The following SPATA16 variants were observed in gnomAD, a reference collection of about 807,000 sequenced individuals.
The protein encoded by SPATA16 is spermatogenesis associated 16.
SPATA16 carries 36 observed loss-of-function variants against 63.3 expected under a neutral mutation model. The observed-to-expected ratio is 0.57, with a 90% CI of 0.44 to 0.75. SPATA16 has a LOEUF of 0.75. Ranked by LOEUF, SPATA16 falls within the 30% of genes least tolerant of loss-of-function variation. The pLI, the probability that SPATA16 is intolerant of heterozygous loss-of-function variation, is 0.00. For missense variants in SPATA16, 646 were observed against 679.3 expected (o/e 0.95, Z 0.54); for synonymous variants, 203 against 216.7 (o/e 0.94, Z 0.56).
intron 5 of SPATA16, among the ~76,000 whole-genome samples, chr3:172,961,787 G>A (rs1310365803): frequency 6.6e-6 from 1 of 152,042 alleles, no homozygotes; most frequent in African/African-American, 2.4e-5. Flanking sequence ...TGAAAATTAT[G>A]ACTTTACCTC....
intron 2 of SPATA16, among the ~76,000 whole-genome samples, chr3:173,099,441 T>A (rs914852750): frequency 2.0e-5 from 3 of 152,292 alleles, no homozygotes; most frequent in African/African-American, 7.2e-5. Flanking sequence ...TATATAGAAT[T>A]TGGTACTATC....
At chr3:173,092,403 G>T (rs968200486) in intron 2 of SPATA16, among the ~76,000 whole-genome samples, 1 of 152,152 alleles carries the variant, frequency 6.6e-6, no homozygotes, top group Admixed American at 6.6e-5. Flanking sequence ...CTGTGGCTAC[G>T]TTATGCAACA....
In SPATA16 at chr3:172,997,605, T is replaced by C. The variant is rs141700719; in HGVS notation, c.849-20553A>G. On this transcript the variant is annotated intron_variant, in intron 4 of 10. Coordinates refer to ENST00000351008, the MANE Select transcript of SPATA16 (RefSeq NM_031955.6). ...TATTTTGCAGAGCAGAAAATTTTAA[T>C]TTTAATGAATTCTAGCTTATCAATT... Among the ~76,000 whole-genome samples, 376 of 152,282 alleles carry C rather than the reference T, an allele frequency of 2.5e-3. 1 individual carries two copies. Among genetic ancestry groups the C allele is most frequent in the African/African-American group, 8.7e-3 (362 of 41,576 alleles).
Position 173,034,492 on chromosome 3 carries a change from T to A in SPATA16, c.758+14457A>T, listed in dbSNP as rs1054257436. ...ATCATAATTTTTTGATTCGTGGAAG[T>A]ATTAAATTACATCCAGGTAACAATA... On this transcript the variant is annotated intron_variant, in intron 3 of 10. Transcript: ENST00000351008. 3.9e-4 allele frequency among the ~76,000 whole-genome samples: 60 copies of A among 152,188 alleles called. 3 individuals are homozygous for A. Among genetic ancestry groups the A allele is most frequent in the Admixed American group, 2.0e-4 (3 of 15,266 alleles).
intron 4 of SPATA16, among the ~76,000 whole-genome samples, chr3:172,977,481 T>C (rs895082710): frequency 2.0e-5 from 3 of 152,128 alleles, no homozygotes; most frequent in Admixed American, 6.5e-5. Flanking sequence ...AGACTTTACC[T>C]GAGTTAAGTA....
chr3:172,959,379 C>T (rs993709391), intron 5 of SPATA16, among the ~76,000 whole-genome samples: 1 of 152,214 alleles, frequency 6.6e-6, no homozygotes, highest in African/African-American at 2.4e-5. Context: ...ATGCTCAAGG[C>T]ATTGCCTTCA....
chr3:173,040,166 A>G (rs1735807167), intron 3 of SPATA16, among the ~76,000 whole-genome samples: 1 of 152,116 alleles, frequency 6.6e-6, no homozygotes. Context: ...AAGATGTCTT[A>G]GCCATCTGGA....
chr3:173,017,146 C>T (rs555820092), intron 4 of SPATA16, among the ~76,000 whole-genome samples: 1 of 152,088 alleles, frequency 6.6e-6, no homozygotes, highest in East Asian at 1.9e-4. Context: ...TGACCTTATA[C>T]TGTATATTGA....
chr3:172,995,867 CATA>C (rs1460032565), intron 4 of SPATA16, among the ~76,000 whole-genome samples: 13 of 152,116 alleles, frequency 8.5e-5, no homozygotes, highest in African/African-American at 3.1e-4. Flanking sequence ...CAACAACTTA[CATA>C]ATTGTAGTAC....
intron 3 of SPATA16, among the ~76,000 whole-genome samples, chr3:173,029,427 TTTG>T (rs1384117079): frequency 7.0e-6 from 1 of 143,782 alleles, no homozygotes; most frequent in Non-Finnish European, 1.5e-5. Flanking sequence ...GTTTGTTTGT[TTTG>T]TTGTTGTTTG....
At chr3:172,899,239 A>T (rs1022382646) in intron 10 of SPATA16, among the ~76,000 whole-genome samples, 1 of 151,996 alleles carries the variant, frequency 6.6e-6, no homozygotes, top group African/African-American at 2.4e-5. Context: ...GAAATCTCCA[A>T]CTATAACTGT....
intron 4 of SPATA16, among the ~76,000 whole-genome samples, chr3:173,005,173 C>T (rs532826743): frequency 7.3e-5 from 11 of 151,620 alleles, no homozygotes; most frequent in Non-Finnish European, 1.3e-4. Flanking sequence ...CACACAAAAA[C>T]GTCAACCAGG....
Position 173,017,130 on chromosome 3 carries a change from G to A in SPATA16, c.848+2356C>T, listed in dbSNP as rs1053288307. Among the ~76,000 whole-genome samples the A allele has an allele frequency of 3.3e-5, 5 of 152,084 alleles. 1 individual carries two copies. The highest frequency in any genetic ancestry group is 2.0e-4 in the Admixed American group (3 of 15,258). On this transcript the variant is annotated intron_variant, in intron 4 of 10. Coordinates refer to ENST00000351008, the MANE Select transcript of SPATA16 (RefSeq NM_031955.6). Reference sequence around the variant, plus strand: ...CAGTTCATAGCATCCTTTCTCTTGGGGGGAATGACCTTATACTGTATATTG... The same window carrying A: ...CAGTTCATAGCATCCTTTCTCTTGGAGGGAATGACCTTATACTGTATATTG...
At chr3:173,115,730 A>G (rs1737878038) in intron 2 of SPATA16, among the ~76,000 whole-genome samples, 1 of 152,190 alleles carries the variant, frequency 6.6e-6, no homozygotes, top group Admixed American at 6.5e-5. Flanking sequence ...ATTGTCTGGT[A>G]TCATCTATTA....
intron 2 of SPATA16, among the ~76,000 whole-genome samples, chr3:173,074,638 A>G (rs1736746062): frequency 2.0e-5 from 3 of 152,132 alleles, no homozygotes; most frequent in South Asian, 4.1e-4. Flanking sequence ...TAAATTACCC[A>G]GTCTCGGGTA....
At chr3:172,943,494 A>C (rs1226559314) in intron 6 of SPATA16, among the ~76,000 whole-genome samples, 1 of 152,198 alleles carries the variant, frequency 6.6e-6, no homozygotes, top group East Asian at 1.9e-4. Context: ...CCAAACCACA[A>C]GCTGTTAGGC....
chr3:172,892,134 T>C (rs1460054142), intron 10 of SPATA16, among the ~76,000 whole-genome samples: 1 of 152,240 alleles, frequency 6.6e-6, no homozygotes, highest in East Asian at 1.9e-4. Context: ...TCTTTTCTTC[T>C]ATAAATTAAA....
intron 2 of SPATA16, among the ~76,000 whole-genome samples, chr3:173,106,818 T>C (rs1737632202): frequency 6.6e-6 from 1 of 152,182 alleles, no homozygotes; most frequent in Admixed American, 6.6e-5. Context: ...TACTTTTCCA[T>C]TTAGCTATTT....
chr3:173,117,154 G>A lies in SPATA16; in HGVS notation c.578C>T (p.Ala193Val). The A allele has an allele frequency of 6.2e-7, 1 of 1,614,026 alleles. No individual in the cohort carries two copies. The highest frequency in any genetic ancestry group is 8.5e-7 in the Non-Finnish European group (1 of 1,179,956). The change falls in exon 2 of 11, where the codon GCC (alanine) becomes GTC (valine). Residue 193 changes from alanine (A) to valine (V), a missense_variant. Transcript: ENST00000351008. The stretch of plus-strand genomic sequence containing the variant: ...TGTTCTGAACTGTCCTGCTGCCAAG[G>A]CGTATTTCTTTTGTCTATAGCAAGA... Reference protein sequence around the residue: ...ASSCYRQKKYALAAGQFRTAL... With the variant: ...ASSCYRQKKYVLAAGQFRTAL...
Sources: gnomAD v4.1 joint callset for allele counts (sites outside exome capture counted in the v4.1 genomes callset) on GRCh38, gnomAD v4.1.1 for gene constraint, MANE v1.5 for transcripts, NCBI Gene and HGNC (gene_info 2026-07-23, HGNC 2026-07-21) for gene names.